The following CEP192 variants were observed in gnomAD, a reference collection of about 807,000 sequenced individuals.
CEP192 encodes the protein centrosomal protein 192.
A neutral mutation model predicts 271.8 loss-of-function variants in CEP192; 151 were observed. That is an observed-to-expected ratio of 0.56 (90% CI 0.49 to 0.64). CEP192 has a LOEUF of 0.64. CEP192 is among the 30% of genes least tolerant of loss of function. The pLI is 0.00. For synonymous variants in CEP192, 995 were observed against 1,076.5 expected (o/e 0.92, Z 1.48); for missense variants, 2,910 against 3,020.5 (o/e 0.96, Z 0.86).
chr18:13,076,253 G>A (rs1027623270), intron 30 of CEP192, among the ~76,000 whole-genome samples: 2 of 152,028 alleles, frequency 1.3e-5, no homozygotes, highest in Non-Finnish European at 2.9e-5. Context: ...TTTTGAGATG[G>A]AGTCTTGCTC....
At chr18:13,006,417 G>A (rs1333684590) in intron 3 of CEP192, among the ~76,000 whole-genome samples, 1 of 152,106 alleles carries the variant, frequency 6.6e-6, no homozygotes, top group African/African-American at 2.4e-5. Flanking sequence ...TGAAACCCGA[G>A]TGTAGTCAGT....
At position 13,051,144 on chromosome 18, in the gene CEP192, C is replaced by G. The variant is rs1051546711; in HGVS notation, c.3017+1253C>G. Among the ~76,000 whole-genome samples, 3 of 152,310 alleles carry G rather than the reference C, an allele frequency of 2.0e-5. No homozygotes were observed. The South Asian group carries it at 6.2e-4, about 32-fold the overall frequency. Reference sequence around the variant, plus strand: ...CTAATAATTGCATTAGGGTATATCTCTGTTTGATTCTTCATTGTTACTTTG... The same window carrying G: ...CTAATAATTGCATTAGGGTATATCTGTGTTTGATTCTTCATTGTTACTTTG... On this transcript the variant is annotated intron_variant, in intron 17 of 44. Coordinates refer to ENST00000506447, the MANE Select transcript of CEP192 (RefSeq NM_032142.4).
chr18:13,016,520 A>G (rs2034655945), intron 6 of CEP192, among the ~76,000 whole-genome samples: 1 of 152,084 alleles, frequency 6.6e-6, no homozygotes, highest in Non-Finnish European at 1.5e-5. Context: ...ACTTTTTTGG[A>G]TTTTGGAATA....
intron 4 of CEP192, among the ~76,000 whole-genome samples, chr18:13,011,348 T>G (rs2034347560): frequency 1.3e-5 from 2 of 152,020 alleles, no homozygotes; most frequent in Non-Finnish European, 2.9e-5. Context: ...ATGGAGAAAT[T>G]GAAATCCTCA....
chr18:13,040,045 TG>T (rs1244712219), intron 13 of CEP192, among the ~76,000 whole-genome samples: 1 of 152,206 alleles, frequency 6.6e-6, no homozygotes, highest in East Asian at 1.9e-4. Flanking sequence ...AAATAACAGA[TG>T]TAGTGTTAGA....
chr18:13,076,715 A>G (rs2038304468), intron 30 of CEP192, among the ~76,000 whole-genome samples: 1 of 152,208 alleles, frequency 6.6e-6, no homozygotes, highest in Non-Finnish European at 1.5e-5. Context: ...TGTTGAAACT[A>G]CCAGAGGTCA....
chr18:13,024,400 A>G (rs1422108231), intron 9 of CEP192: 2 of 439,484 alleles, frequency 4.6e-6, no homozygotes, highest in Non-Finnish European at 9.1e-6. Context: ...GACGTCATAT[A>G]CTTAGGTCTT....
intron 24 of CEP192, 70 bp from the exon 25 acceptor site, chr18:13,068,782 G>A: frequency 1.3e-6 from 2 of 1,556,852 alleles, no homozygotes; most frequent in Non-Finnish European, 1.8e-6. Context: ...GCACTGTGTG[G>A]GACTGCTGAT....
In CEP192 at chr18:13,087,209, G is replaced by T; in HGVS notation, c.5809G>T (p.Val1937Phe). 2.5e-6 allele frequency: 4 copies of T among 1,613,750 alleles called. No homozygotes were observed. In the South Asian group the frequency reaches 4.4e-5, roughly 18 times the overall value. Residue 1937 changes from valine (V) to phenylalanine (F), a missense_variant, in exon 31 of 45, where the codon GTT becomes TTT. Transcript: ENST00000506447. ...AGGTTTTAAGGATTCTCAGAAAAAA[G>T]TTTTGCTGGATCCTAAAGTATTGAG... ...AVGFKDSQKK[V>F]LLDPKVLRIF...
intron 7 of CEP192, among the ~76,000 whole-genome samples, chr18:13,017,843 C>T (rs1185217885): frequency 2.6e-5 from 4 of 152,194 alleles, no homozygotes; most frequent in South Asian, 2.1e-4. Context: ...TTTTTATCTA[C>T]AATTTAATCA....
intron 11 of CEP192, among the ~76,000 whole-genome samples, chr18:13,036,171 T>G (rs2035905650): frequency 6.6e-6 from 1 of 151,722 alleles, no homozygotes; most frequent in Non-Finnish European, 1.5e-5. Context: ...GTTTTGTTTG[T>G]TTTTTTTAAT....
At chr18:13,067,542 G>A (rs1016362378) in intron 21 of CEP192, among the ~76,000 whole-genome samples, 2 of 152,104 alleles carry the variant, frequency 1.3e-5, no homozygotes, top group Non-Finnish European at 2.9e-5. Context: ...CCATTGAAAA[G>A]GGGTCTATAA....
At chr18:13,115,968 G>T (rs1362534593) in intron 42 of CEP192, among the ~76,000 whole-genome samples, 1 of 152,194 alleles carries the variant, frequency 6.6e-6, no homozygotes, top group Non-Finnish European at 1.5e-5. Context: ...GGAAGCCCAG[G>T]CAAGAGCCAG....
intron 7 of CEP192, among the ~76,000 whole-genome samples, chr18:13,018,078 T>C (rs189204838): frequency 6.6e-6 from 1 of 152,278 alleles, no homozygotes; most frequent in African/African-American, 2.4e-5. Flanking sequence ...ATGAATGGAT[T>C]CATAGTAAAC....
chr18:13,094,578 CT>C (rs958989562), intron 34 of CEP192, among the ~76,000 whole-genome samples: 4 of 152,248 alleles, frequency 2.6e-5, no homozygotes, highest in African/African-American at 9.6e-5. Context: ...TCATCGTATA[CT>C]TTCCCTGCCC....
chr18:13,001,485 G>A lies in CEP192; in HGVS notation c.193G>A (p.Val65Ile). The A allele has an allele frequency of 6.5e-7, 1 of 1,549,292 alleles. No individual in the cohort carries two copies. Among genetic ancestry groups the A allele is most frequent in the African/African-American group, 1.4e-5 (1 of 73,076 alleles). Residue 65 changes from valine to isoleucine, a missense_variant, in exon 3 of 45, where the codon GTA (valine) becomes ATA (isoleucine). Val to Ile is a conservative substitution (Grantham distance 29, BLOSUM62 3). Coordinates refer to ENST00000506447, the MANE Select transcript of CEP192 (RefSeq NM_032142.4). ...RYPDIQASYL[V>I]EGRFSVPSGS... is the part of the protein sequence containing the mutation. ...TCCTGATATCCAGGCATCTTACTTA[G>A]TAGAAGGGAGATTTTCAGTTCCATC...
At chr18:13,057,782 A>G (rs566389055) in intron 20 of CEP192, 49 bp downstream of exon 20, 3 of 1,576,840 alleles carry the variant, frequency 1.9e-6, no homozygotes, top group East Asian at 2.3e-5. Context: ...CATTGTGATT[A>G]GGTGCTTGAT....
chr18:13,027,725 CT>C (rs989489876), intron 9 of CEP192, among the ~76,000 whole-genome samples: 5 of 152,086 alleles, frequency 3.3e-5, no homozygotes, highest in Non-Finnish European at 5.9e-5. Flanking sequence ...TAACTGCCTT[CT>C]TTGTTCAAGA....
Position 13,048,019 on chromosome 18 carries a change from G to A in CEP192, c.2068-840G>A, listed in dbSNP as rs149002705. Among the ~76,000 whole-genome samples the A allele has an allele frequency of 6.4e-3, 976 of 152,136 alleles. 6 individuals carry two copies. Among genetic ancestry groups the A allele is most frequent in the Middle Eastern group, 0.01 (3 of 294 alleles). On this transcript the variant is annotated intron_variant, in intron 15 of 44. Coordinates refer to ENST00000506447, the MANE Select transcript of CEP192 (RefSeq NM_032142.4). ...TGATAGCAGCTGTCTTTTTCATTAG[G>A]ATATTTAACTGGTATGCCCTTAATT...
Sources: gnomAD v4.1 joint callset for allele counts (sites outside exome capture counted in the v4.1 genomes callset) on GRCh38, gnomAD v4.1.1 for gene constraint, MANE v1.5 for transcripts, NCBI Gene and HGNC (gene_info 2026-07-23, HGNC 2026-07-21) for gene names.